Variants in RAD51B observed in about 807,000 individuals in gnomAD.
RAD51B encodes RAD51 paralog B.
RAD51B carries 38 observed loss-of-function variants against 42.2 expected under a neutral mutation model. The ratio of observed to expected loss-of-function variants is 0.90; its 90% CI spans 0.70 to 1.18. The LOEUF is 1.18. Among genes scored for constraint, RAD51B ranks in the 50% most tolerant of loss-of-function variants. The pLI is 0.00. For synonymous variants in RAD51B, 154 were observed against 145.2 expected, an observed-to-expected ratio of 1.06 and a Z score of -0.43; for missense variants, 373 against 400.7, an observed-to-expected ratio of 0.93 and a Z score of 0.59.
chr14:68,257,066 C>T (rs191470920), intron 7 of RAD51B, among the ~76,000 whole-genome samples: 61 of 152,236 alleles, frequency 4.0e-4, no homozygotes, highest in African/African-American at 1.4e-3. Context: ...CATGGATGGA[C>T]TTTGAAAACA....
intron 10 of RAD51B, among the ~76,000 whole-genome samples, chr14:68,631,025 A>G (rs1451135210): frequency 6.6e-6 from 1 of 152,212 alleles, no homozygotes; most frequent in East Asian, 1.9e-4. Flanking sequence ...CACAGAGCTC[A>G]TATAATTGAG....
chr14:68,538,075 G>A (rs529143171), intron 10 of RAD51B, among the ~76,000 whole-genome samples: 7 of 152,158 alleles, frequency 4.6e-5, no homozygotes, highest in African/African-American at 7.2e-5. Context: ...TGGAACCCAC[G>A]CTTCAAAGAG....
At chr14:67,840,126 G>A (rs996680848) in intron 4 of RAD51B, among the ~76,000 whole-genome samples, 8 of 152,056 alleles carry the variant, frequency 5.3e-5, no homozygotes, top group African/African-American at 1.7e-4. Context: ...TCTAATAATT[G>A]GGTGCCCTAT....
intron 9 of RAD51B, among the ~76,000 whole-genome samples, chr14:68,460,802 A>G (rs2717216): frequency 1 from 151,943 of 152,306 alleles, 75,792 homozygotes; most frequent in East Asian, 1. Context: ...TGGCCAAGCC[A>G]AGAATCTTGG....
intron 7 of RAD51B, among the ~76,000 whole-genome samples, chr14:68,084,252 T>A (rs372236834): frequency 1.3e-5 from 2 of 152,242 alleles, no homozygotes; most frequent in East Asian, 1.9e-4. Context: ...TATCTCATTT[T>A]ACAGAGGAAG....
intron 7 of RAD51B, among the ~76,000 whole-genome samples, chr14:68,042,222 A>G (rs1183380699): frequency 6.6e-6 from 1 of 152,194 alleles, no homozygotes; most frequent in Non-Finnish European, 1.5e-5. Flanking sequence ...TTCAGTCTCC[A>G]AGATGATTAG....
At chr14:68,199,061 T>C (rs1184333238) in intron 7 of RAD51B, among the ~76,000 whole-genome samples, 1 of 152,230 alleles carries the variant, frequency 6.6e-6, no homozygotes, top group Non-Finnish European at 1.5e-5. Context: ...CAATGAATTC[T>C]TTTTTCTTGT....
intron 7 of RAD51B, among the ~76,000 whole-genome samples, chr14:68,249,786 T>A (rs573983066): frequency 6.6e-6 from 1 of 152,356 alleles, no homozygotes; most frequent in East Asian, 1.9e-4. Flanking sequence ...AGGGCAATCC[T>A]GTAGGTTAGA....
At chr14:68,480,413 A>C (rs1883082607), downstream of RAD51B, among the ~76,000 whole-genome samples, 2 of 152,110 alleles carry the variant, frequency 1.3e-5, no homozygotes, top group African/African-American at 4.8e-5. Flanking sequence ...TTGGCCATGA[A>C]CCTTGCAATG....
chr14:68,421,565 A>G lies in RAD51B; in HGVS notation c.957+10038A>G, dbSNP rs1052747950. ...ATCTAGGCATGGGAGGGAACAAGGA[A>G]AACATGGAACCCAAAGGGAACTGCA... On this transcript the variant is annotated intron_variant, in intron 9 of 10. Coordinates refer to ENST00000471583, the MANE Select transcript of RAD51B (RefSeq NM_133510.4). The G allele has an allele frequency of 1.0e-5, 7 of 698,250 alleles. No individual in the cohort carries two copies. The African/African-American group carries it at 1.2e-4, about 12-fold the overall frequency. The allele number at this position is 698,250 out of a possible 1,614,324, so 43.3% of individuals were successfully genotyped here.
At chr14:68,454,207 T>A (rs770080945) in intron 9 of RAD51B, among the ~76,000 whole-genome samples, 17 of 151,970 alleles carry the variant, frequency 1.1e-4, no homozygotes, top group Non-Finnish European at 1.9e-4. Context: ...AAAGGAGGAG[T>A]CAAAATTGAA....
intron 7 of RAD51B, among the ~76,000 whole-genome samples, chr14:67,939,117 A>G (rs1356508041): frequency 6.6e-6 from 1 of 152,202 alleles, no homozygotes; most frequent in Non-Finnish European, 1.5e-5. Context: ...AAATAATTTC[A>G]TATCTTGAGG....
chr14:68,051,841 G>A (rs925220699), intron 7 of RAD51B, among the ~76,000 whole-genome samples: 6 of 151,720 alleles, frequency 4.0e-5, no homozygotes, highest in East Asian at 1.9e-4. Context: ...GGCCTCAAGC[G>A]ATTCTCCCAT....
At chr14:68,407,459 T>C in intron 8 of RAD51B, among the ~76,000 whole-genome samples, 1 of 152,236 alleles carries the variant, frequency 6.6e-6, no homozygotes, top group East Asian at 1.9e-4. Context: ...TGAGTATGCA[T>C]TGTGCTATGA....
chr14:67,862,623 C>T (rs1205229314), intron 4 of RAD51B, among the ~76,000 whole-genome samples: 1 of 152,084 alleles, frequency 6.6e-6, no homozygotes, highest in African/African-American at 2.4e-5. Flanking sequence ...TAATTTCAAT[C>T]CTTGCATCTT....
At chr14:68,473,929 A>G (rs905740182) in intron 10 of RAD51B, among the ~76,000 whole-genome samples, 1 of 152,264 alleles carries the variant, frequency 6.6e-6, no homozygotes, top group African/African-American at 2.4e-5. Flanking sequence ...TGAAATTTGC[A>G]TAAATGATTT....
chr14:68,206,004 A>G (rs1053055130), intron 7 of RAD51B, among the ~76,000 whole-genome samples: 10 of 152,184 alleles, frequency 6.6e-5, no homozygotes, highest in African/African-American at 2.4e-4. Context: ...TCCCTCCAGC[A>G]TAGGATCCAG....
At chr14:68,200,390 TA>T (rs2079458054) in intron 7 of RAD51B, among the ~76,000 whole-genome samples, 2 of 152,218 alleles carry the variant, frequency 1.3e-5, no homozygotes, top group Admixed American at 1.3e-4. Flanking sequence ...AGTGCTATGT[TA>T]TTGCTTTTAT....
chr14:68,522,285 C>G (rs974136121), intron 10 of RAD51B, among the ~76,000 whole-genome samples: 4 of 152,206 alleles, frequency 2.6e-5, no homozygotes, highest in Admixed American at 1.3e-4. Context: ...TTGCTGATTA[C>G]AGACAAGATG....
Sources: allele counts gnomAD v4.1 joint callset (sites outside exome capture counted in the v4.1 genomes callset), GRCh38; gene constraint gnomAD v4.1.1; transcripts MANE v1.5; gene names NCBI Gene and HGNC (gene_info 2026-07-23, HGNC 2026-07-21).